PTCHD4: variants seen among roughly 807,000 people sequenced by gnomAD.
PTCHD4 encodes patched domain containing 4.
Under a neutral mutation model 58.1 loss-of-function variants are expected in PTCHD4, and 33 were observed. The observed-to-expected ratio is 0.57, with a 90% CI of 0.43 to 0.76. PTCHD4 has a LOEUF of 0.76. Ranked by LOEUF, PTCHD4 falls within the 30% of genes least tolerant of loss-of-function variation. The pLI, the probability that PTCHD4 is intolerant of heterozygous loss-of-function variation, is 0.00. For missense variants in PTCHD4, 1,058 were observed against 1,027.1 expected (o/e 1.03, Z -0.41); for synonymous variants, 478 against 409.6 (o/e 1.17, Z -2.02).
At chr6:48,094,665 A>G (rs960440110) in intron 1 of PTCHD4, among the ~76,000 whole-genome samples, 19 of 152,226 alleles carry the variant, frequency 1.2e-4, no homozygotes, top group African/African-American at 2.4e-4. Flanking sequence ...ATCTCAAAGG[A>G]CAATACAATG....
At chr6:47,939,320 C>T (rs970146507) in intron 4 of PTCHD4, among the ~76,000 whole-genome samples, 14 of 151,356 alleles carry the variant, frequency 9.2e-5, no homozygotes, top group South Asian at 2.1e-4. Flanking sequence ...CTGAGGATTA[C>T]GTGGTATTGA....
At chr6:47,992,919 A>C (rs1261468912) in intron 4 of PTCHD4, among the ~76,000 whole-genome samples, 12 of 152,194 alleles carry the variant, frequency 7.9e-5, no homozygotes, top group Non-Finnish European at 1.5e-5. Context: ...AGATACAGAT[A>C]CTCAATGAGA....
intron 4 of PTCHD4, among the ~76,000 whole-genome samples, chr6:47,982,671 T>C (rs766731984): frequency 6.6e-6 from 1 of 152,036 alleles, no homozygotes; most frequent in Non-Finnish European, 1.5e-5. Flanking sequence ...GTATTTTCAG[T>C]AGAGACGGGG....
intron 4 of PTCHD4, among the ~76,000 whole-genome samples, chr6:47,955,709 T>G (rs1369041686): frequency 6.6e-6 from 1 of 152,344 alleles, no homozygotes; most frequent in East Asian, 1.9e-4. Flanking sequence ...AGGCTTATGT[T>G]GTGAAGTGTT....
In PTCHD4 at chr6:47,942,879, T is replaced by C. The variant is rs181747204; in HGVS notation, c.899-62943A>G. Reference sequence around the variant, plus strand: ...AGTGTTTCACTCATCAGTTGAGAAATTCAGCAAGAATATGTCAGGTAACCT... The same window carrying C: ...AGTGTTTCACTCATCAGTTGAGAAACTCAGCAAGAATATGTCAGGTAACCT... On this transcript the variant is annotated intron_variant, in intron 4 of 4. Coordinates refer to ENST00000339488, the MANE Select transcript of PTCHD4 (RefSeq NM_001384253.1). Among the ~76,000 whole-genome samples, 141 of 152,296 alleles carry C rather than the reference T, an allele frequency of 9.3e-4. 2 individuals are homozygous for C. The highest frequency in any genetic ancestry group is 3.4e-3 in the Middle Eastern group (1 of 294).
chr6:48,070,018 A>C (rs776449954), intron 1 of PTCHD4, among the ~76,000 whole-genome samples, 92 bp from the exon 2 acceptor site: 1 of 151,758 alleles, frequency 6.6e-6, no homozygotes, highest in Non-Finnish European at 1.5e-5. Flanking sequence ...AAGAAAGAAA[A>C]CCCCCACCAG....
chr6:47,962,153 G>A (rs1047355392), intron 4 of PTCHD4, among the ~76,000 whole-genome samples: 7 of 152,034 alleles, frequency 4.6e-5, no homozygotes, highest in Non-Finnish European at 7.4e-5. Flanking sequence ...TAAATCAGAC[G>A]TTTTGTATAA....
Position 47,873,669 on chromosome 6 carries a change from G to T in PTCHD4, c.*4634C>A, listed in dbSNP as rs887897761. ...TGATTTTTCCCTATCCTATATATCT[G>T]CAGCTCACTGATTTAAAATATTAGC... On this transcript the variant is annotated 3_prime_UTR_variant, in exon 5 of 5. Coordinates refer to ENST00000339488, the MANE Select transcript of PTCHD4 (RefSeq NM_001384253.1). Among the ~76,000 whole-genome samples, 2 of 151,452 alleles carry T rather than the reference G, an allele frequency of 1.3e-5. No individual in the cohort carries two copies.
At chr6:48,066,266 C>T (rs775623) in intron 3 of PTCHD4, among the ~76,000 whole-genome samples, 25,020 of 152,004 alleles carry the variant, frequency 0.16, 2,180 homozygotes, top group African/African-American at 0.23. Context: ...AATGAGTAAA[C>T]TGAATACCTC....
In PTCHD4 at chr6:48,078,841, G is replaced by A. The variant is rs367879295; in HGVS notation, c.-969-8915C>T. On this transcript the variant is annotated intron_variant, in intron 1 of 4. Transcript: ENST00000339488. ...TGTTATGAAATTGCATATTTTGGCC[G>A]GGCGCGGTGGCTCATGCCTGTAATG... Among the ~76,000 whole-genome samples, 181 of 152,160 alleles carry A rather than the reference G, an allele frequency of 1.2e-3. 4 individuals carry two copies. The South Asian group carries it at 0.037, about 31-fold the overall frequency.
intron 4 of PTCHD4, among the ~76,000 whole-genome samples, chr6:47,994,335 G>T (rs565101674): frequency 1.3e-5 from 2 of 152,358 alleles, no homozygotes; most frequent in South Asian, 4.1e-4. Context: ...CAATATGACA[G>T]AGCATATTTC....
At chr6:47,930,338 A>C (rs1765770818) in intron 4 of PTCHD4, among the ~76,000 whole-genome samples, 1 of 152,212 alleles carries the variant, frequency 6.6e-6, no homozygotes, top group African/African-American at 2.4e-5. Context: ...TTTTGTATAC[A>C]GATGTTTAGG....
In PTCHD4 at chr6:48,015,938, C is replaced by T. The variant is rs114521165; in HGVS notation, c.418-6824G>A. On this transcript the variant is annotated intron_variant, in intron 3 of 4. Transcript: ENST00000339488. ...CTTTTTAGAGACTAGTTTGCTAAGA[C>T]CAGGACAAGTAGGAGACAGATCAAG... 5.5e-3 allele frequency among the ~76,000 whole-genome samples: 833 copies of T among 151,650 alleles called. 18 individuals are homozygous for T. The highest frequency in any genetic ancestry group is 0.019 in the African/African-American group (786 of 41,192).
chr6:48,072,532 ACTTCTCCAAGCAGC>A (rs1764994130), intron 1 of PTCHD4, among the ~76,000 whole-genome samples: 1 of 152,154 alleles, frequency 6.6e-6, no homozygotes, highest in South Asian at 2.1e-4. Context: ...AGAATCAGCC[ACTTCTCCAAGCAGC>A]CTTTGTTTTA....
chr6:48,014,976 C>T (rs1298505697), intron 3 of PTCHD4, among the ~76,000 whole-genome samples: 1 of 152,140 alleles, frequency 6.6e-6, no homozygotes, highest in African/African-American at 2.4e-5. Flanking sequence ...ACCCCCTTTT[C>T]CAATGTCGTC....
At chr6:47,955,623 A>T (rs1766828337) in intron 4 of PTCHD4, among the ~76,000 whole-genome samples, 1 of 152,236 alleles carries the variant, frequency 6.6e-6, no homozygotes, top group Non-Finnish European at 1.5e-5. Flanking sequence ...TCAAATCAGA[A>T]AATCAGACAT....
intron 3 of PTCHD4, among the ~76,000 whole-genome samples, chr6:48,024,920 G>C (rs539315774): frequency 6.6e-6 from 1 of 152,200 alleles, no homozygotes; most frequent in South Asian, 2.1e-4. Context: ...TACATAAAAT[G>C]GTAGTATGCA....
intron 3 of PTCHD4, among the ~76,000 whole-genome samples, chr6:48,028,602 T>C (rs1763332671): frequency 6.6e-6 from 1 of 152,116 alleles, no homozygotes; most frequent in South Asian, 2.1e-4. Flanking sequence ...ATTTTTTTGG[T>C]CTGTTCTTAA....
chr6:48,055,766 A>C (rs1764386262), intron 3 of PTCHD4, among the ~76,000 whole-genome samples: 1 of 152,214 alleles, frequency 6.6e-6, no homozygotes, highest in African/African-American at 2.4e-5. Flanking sequence ...TTGCAGGGTG[A>C]GTATCTGTCT....
Sources: gnomAD v4.1 joint callset for allele counts (sites outside exome capture counted in the v4.1 genomes callset) on GRCh38, gnomAD v4.1.1 for gene constraint, MANE v1.5 for transcripts, NCBI Gene and HGNC (gene_info 2026-07-23, HGNC 2026-07-21) for gene names.